The following ATXN1 variants were observed in gnomAD, a reference collection of about 807,000 sequenced individuals.
The protein encoded by ATXN1 is ataxin 1.
Under a neutral mutation model 56.4 loss-of-function variants are expected in ATXN1, and 8 were observed. The ratio of observed to expected loss-of-function variants is 0.14; its 90% confidence interval spans 0.08 to 0.26. The LOEUF (loss-of-function observed/expected upper bound fraction) is 0.26. Among genes scored for constraint, ATXN1 ranks in the 10% least tolerant of loss-of-function variants. ATXN1 has a pLI of 1.00. For synonymous variants in ATXN1, 514 were observed against 494.6 expected (o/e 1.04, Z -0.52); for missense variants, 987 against 1,106.5 (o/e 0.89, Z 1.53).
At chr6:16,527,580 C>G (rs1221998639) in intron 4 of ATXN1, among the ~76,000 whole-genome samples, 2 of 152,176 alleles carry the variant, frequency 1.3e-5, no homozygotes, top group African/African-American at 4.8e-5. Context: ...ACAACAAATG[C>G]TCCCTAAATG....
chr6:16,639,371 A>C lies in ATXN1; in HGVS notation c.-489+18405T>G, dbSNP rs545218681. Among the ~76,000 whole-genome samples the C allele has an allele frequency of 2.6e-5, 4 of 151,988 alleles. No homozygotes were observed. In the East Asian group the frequency reaches 7.7e-4, roughly 29 times the overall value. On this transcript the variant is annotated intron_variant, in intron 3 of 7. Coordinates refer to ENST00000436367, the MANE Select transcript of ATXN1 (RefSeq NM_001128164.2). Reference sequence around the variant, plus strand: ...ACCACAAACCTATCGGAAGGAACCAACTCCAGACACAGGCTCACCGCAACC... The same window carrying C: ...ACCACAAACCTATCGGAAGGAACCACCTCCAGACACAGGCTCACCGCAACC...
intron 6 of ATXN1, among the ~76,000 whole-genome samples, chr6:16,429,169 C>T (rs777138908): frequency 2.6e-5 from 4 of 151,908 alleles, no homozygotes; most frequent in African/African-American, 9.7e-5. Context: ...GAGGGCTGTG[C>T]GGTGGCCCTG....
chr6:16,546,977 A>G (rs1292603954), intron 4 of ATXN1, among the ~76,000 whole-genome samples: 1 of 152,262 alleles, frequency 6.6e-6, no homozygotes, highest in Non-Finnish European at 1.5e-5. Flanking sequence ...CAAGGAGGAA[A>G]AAGGCAGGCC....
chr6:16,698,655 A>ATT (rs1561813142), intron 2 of ATXN1, among the ~76,000 whole-genome samples: 7 of 147,648 alleles, frequency 4.7e-5, no homozygotes, highest in African/African-American at 1.2e-4. Flanking sequence ...AAAATTAAAA[A>ATT]AAAAAAAAAA....
Position 16,306,637 on chromosome 6 carries a change from C to A in ATXN1, c.2140G>T (p.Asp714Tyr). 2.5e-6 allele frequency: 4 copies of A among 1,614,206 alleles called. No individual in the cohort carries two copies. Among genetic ancestry groups the A allele is most frequent in the Non-Finnish European group, 3.4e-6 (4 of 1,180,036 alleles). The change falls in exon 8 of 8, where the codon GAC becomes TAC. Residue 714 changes from aspartate (D) to tyrosine (Y), a missense_variant. By Grantham distance (160) the Asp-to-Tyr change is radical. Coordinates refer to ENST00000436367, the MANE Select transcript of ATXN1 (RefSeq NM_001128164.2). The surrounding 1 kb of genome is among the most constrained non-coding windows in gnomAD (Gnocchi z 5.2). ...CTGTGTCTGCTGCCCGCCAGGCCGT[C>A]GGCCTTTGAGTGCTTCAGCAGGACG... ...ASVLLKHSKA[D>Y]GLAGSRHRYA... is the part of the protein sequence containing the mutation.
intron 2 of ATXN1, among the ~76,000 whole-genome samples, chr6:16,719,798 G>C (rs562416693): frequency 8.5e-5 from 13 of 152,286 alleles, no homozygotes; most frequent in Non-Finnish European, 1.3e-4. Context: ...CAGAGGCAGA[G>C]ACTGGAGTGA....
chr6:16,361,251 C>T lies in ATXN1; in HGVS notation c.-160-32781G>A, dbSNP rs143332218. Among the ~76,000 whole-genome samples the T allele has an allele frequency of 1.0e-3, 156 of 152,180 alleles. 2 individuals carry two copies. Among genetic ancestry groups the T allele is most frequent in the African/African-American group, 3.6e-3 (150 of 41,504 alleles). On this transcript the variant is annotated intron_variant, in intron 6 of 7. Transcript: ENST00000436367. ...TGATTATTACAAAATTCAGGGGTAA[C>T]AAGGGTGAAAGAGAAAAGAGAGGGA...
rs546207251 is a variant in ATXN1, at chr6:16,740,807, C to T, written c.-615+12426G>A. On this transcript the variant is annotated intron_variant, in intron 2 of 7. Transcript: ENST00000436367. ...CTTGGCCTCCCAAAGCACTGGGATT[C>T]GAGGCATGAGCCACCATGCCCAGCC... Among the ~76,000 whole-genome samples, 6 of 152,234 alleles carry T rather than the reference C, an allele frequency of 3.9e-5. No homozygotes were observed. The East Asian group carries it at 9.7e-4, about 25-fold the overall frequency.
intron 6 of ATXN1, among the ~76,000 whole-genome samples, chr6:16,440,898 A>G (rs116362405): frequency 0.038 from 5,831 of 152,220 alleles, 353 homozygotes; most frequent in African/African-American, 0.13. Context: ...GTGTGGCCGA[A>G]CCATTTATAG....
At chr6:16,690,814 C>A (rs1282176425) in intron 2 of ATXN1, among the ~76,000 whole-genome samples, 1 of 152,122 alleles carries the variant, frequency 6.6e-6, no homozygotes, top group Non-Finnish European at 1.5e-5. Flanking sequence ...CGAGACCTGA[C>A]CATACTGTGG....
Position 16,325,361 on chromosome 6 carries a change from AC to A in ATXN1, c.1917+1032del, listed in dbSNP as rs549369470. Among the ~76,000 whole-genome samples the A allele has an allele frequency of 2.5e-3, 381 of 151,666 alleles. 5 individuals are homozygous for A. The highest frequency in any genetic ancestry group is 8.6e-3 in the African/African-American group (355 of 41,328). On this transcript the variant is annotated intron_variant, in intron 7 of 7. Transcript: ENST00000436367. ...TCGAACTCCTGACCTCTGGTGATCC[AC>A]CCGCCTCAGCCTCCCAAAGTGCTGG...
intron 2 of ATXN1, among the ~76,000 whole-genome samples, chr6:16,743,293 T>C (rs1323274658): frequency 6.6e-6 from 1 of 152,232 alleles, no homozygotes. Context: ...AGAAAATTCA[T>C]CATTGGACCT....
chr6:16,457,686 G>A (rs1759906160), intron 6 of ATXN1, among the ~76,000 whole-genome samples: 1 of 152,136 alleles, frequency 6.6e-6, no homozygotes, highest in Non-Finnish European at 1.5e-5. Flanking sequence ...TTTTACTGAA[G>A]GATAATCCAC....
At chr6:16,526,396 T>G (rs975785637) in intron 4 of ATXN1, among the ~76,000 whole-genome samples, 4 of 152,162 alleles carry the variant, frequency 2.6e-5, no homozygotes, top group African/African-American at 9.7e-5. Context: ...AAAAGTTGTT[T>G]TGGTTTGAGT....
intron 4 of ATXN1, among the ~76,000 whole-genome samples, chr6:16,535,566 G>C (rs1054880051): frequency 2.0e-5 from 3 of 152,142 alleles, no homozygotes; most frequent in African/African-American, 7.2e-5. Flanking sequence ...AGTTCATATT[G>C]ATATAAATAA....
intron 4 of ATXN1, among the ~76,000 whole-genome samples, chr6:16,552,759 G>A (rs1383636724): frequency 6.6e-6 from 1 of 152,208 alleles, no homozygotes; most frequent in Admixed American, 6.5e-5. Flanking sequence ...TTACGGGGGT[G>A]TATCACCTTG....
At chr6:16,433,161 T>A (rs1759319988) in intron 6 of ATXN1, 1 of 152,196 alleles carries the variant, frequency 6.6e-6, no homozygotes, top group Non-Finnish European at 1.5e-5. Context: ...ATTTAAATAT[T>A]AGTTACATAG....
At chr6:16,688,793 T>C (rs1324785986) in intron 2 of ATXN1, among the ~76,000 whole-genome samples, 1 of 152,196 alleles carries the variant, frequency 6.6e-6, no homozygotes, top group African/African-American at 2.4e-5. Flanking sequence ...CAATAAACTA[T>C]TTTGTGAAAT....
chr6:16,548,733 G>A (rs1206433573), intron 4 of ATXN1, among the ~76,000 whole-genome samples: 3 of 151,994 alleles, frequency 2.0e-5, no homozygotes, highest in African/African-American at 7.3e-5. Context: ...AGACCAGCCT[G>A]ACCAACAGAG....
Sources: allele counts gnomAD v4.1 joint callset (sites outside exome capture counted in the v4.1 genomes callset), GRCh38; gene constraint gnomAD v4.1.1; non-coding constraint Gnocchi (gnomAD v3.1); transcripts MANE v1.5; gene names NCBI Gene and HGNC (gene_info 2026-07-23, HGNC 2026-07-21).